COL21A1: variants seen among roughly 807,000 people sequenced by gnomAD.
COL21A1 encodes the protein collagen type XXI alpha 1 chain.
COL21A1 carries 149 observed loss-of-function variants against 137.9 expected under a neutral mutation model. The ratio of observed to expected loss-of-function variants is 1.08; its 90% CI spans 0.95 to 1.24. The LOEUF is 1.24. COL21A1 is among the 50% of genes most tolerant of loss of function. COL21A1 has a pLI of 0.00. For synonymous variants in COL21A1, 456 were observed against 391.5 expected, an observed-to-expected ratio of 1.16 and a Z score of -1.95; for missense variants, 1,167 against 1,158.4, an observed-to-expected ratio of 1.01 and a Z score of -0.11.
chr6:56,199,151 A>G (rs1282880975), intron 1 of COL21A1, among the ~76,000 whole-genome samples: 2 of 152,070 alleles, frequency 1.3e-5, no homozygotes, highest in Non-Finnish European at 2.9e-5. Context: ...TTGTGATGGT[A>G]ACTATTACAG....
rs780191739 is a variant in COL21A1, at chr6:56,075,508, G to A, written c.1882C>T (p.Gln628Ter). The change falls in exon 19 of 30, where the codon CAA becomes TAA. Residue 628 changes from glutamine to a stop codon, truncating the protein, a stop_gained. Transcript: ENST00000244728. LOFTEE classifies it high-confidence loss of function. ...ATCCCTGGGGCTCCTTTTTTTCCTT[G>A]CTGTCCTGGAGGCCCAATTTCTCCC... ...QKGEIGPPGQ[Q>*]GKKGAPGMPG... 6.5e-7 allele frequency: 1 copy of A among 1,531,514 alleles called. No homozygotes were observed. Among genetic ancestry groups the A allele is most frequent in the Non-Finnish European group, 8.8e-7 (1 of 1,139,414 alleles). The allele number at this position is 1,531,514 out of a possible 1,614,324, so 94.9% of individuals were successfully genotyped here. A position where few individuals can be genotyped will look rare whatever the true frequency, so the allele number is the denominator to read the frequency against.
At chr6:56,300,226 A>G (rs1221938022) in intron 1 of COL21A1, among the ~76,000 whole-genome samples, 1 of 152,128 alleles carries the variant, frequency 6.6e-6, no homozygotes, top group African/African-American at 2.4e-5. Context: ...TGATATTTTT[A>G]TGGGATTTGC....
intron 1 of COL21A1, among the ~76,000 whole-genome samples, chr6:56,197,199 C>T (rs1446216887): frequency 6.6e-6 from 1 of 151,966 alleles, no homozygotes; most frequent in Non-Finnish European, 1.5e-5. Context: ...AGAGCATACA[C>T]AAAAACTAAC....
chr6:56,062,311 A>G (rs1562135773), intron 24 of COL21A1, among the ~76,000 whole-genome samples: 1 of 152,160 alleles, frequency 6.6e-6, no homozygotes, highest in African/African-American at 2.4e-5. Context: ...TCATTCAACT[A>G]TAATTACTAG....
chr6:56,140,499 G>T (rs893749864), intron 12 of COL21A1, among the ~76,000 whole-genome samples: 1 of 152,142 alleles, frequency 6.6e-6, no homozygotes, highest in African/African-American at 2.4e-5. Context: ...AGTATTGTGT[G>T]GAACAATCTT....
intron 1 of COL21A1, among the ~76,000 whole-genome samples, chr6:56,241,312 C>G (rs547063438): frequency 6.6e-6 from 1 of 152,196 alleles, no homozygotes; most frequent in East Asian, 1.9e-4. Context: ...AGAAATAGAG[C>G]CCTTTCAAAA....
chr6:56,269,462 C>T (rs1030571169), intron 1 of COL21A1, among the ~76,000 whole-genome samples: 21 of 151,298 alleles, frequency 1.4e-4, no homozygotes, highest in African/African-American at 4.1e-4. Flanking sequence ...GAGACCATCC[C>T]GGCTAAAACG....
rs541481750 is a variant in COL21A1, at chr6:56,064,674, T to A, written c.2128-52A>T. ...ATTAGTTTGCACACTTACGATGCAA[T>A]CACATATGCAATACAAACTATGTAT... On this transcript the variant is annotated intron_variant, in intron 23 of 29. Transcript: ENST00000244728. The A allele has an allele frequency of 1.1e-5, 13 of 1,230,456 alleles. No individual in the cohort carries two copies. The African/African-American group carries it at 1.7e-4, about 16-fold the overall frequency. The allele number at this position is 1,230,456 out of a possible 1,614,324, so 76.2% of individuals were successfully genotyped here. A position where few individuals can be genotyped will look rare whatever the true frequency, so the allele number is the denominator to read the frequency against.
intron 23 of COL21A1, 45 bp downstream of exon 23, chr6:56,067,250 T>C: frequency 6.7e-7 from 1 of 1,496,464 alleles, no homozygotes; most frequent in African/African-American, 1.4e-5. Flanking sequence ...TTTTAAAAGC[T>C]CTGATTTTAT....
intron 1 of COL21A1, among the ~76,000 whole-genome samples, chr6:56,259,604 T>C (rs1763202394): frequency 6.6e-6 from 1 of 152,252 alleles, no homozygotes; most frequent in Non-Finnish European, 1.5e-5. Context: ...CTTGCATTTA[T>C]TTTTCTAAGA....
intron 19 of COL21A1, among the ~76,000 whole-genome samples, chr6:56,074,626 G>T (rs1380189354): frequency 1.3e-5 from 2 of 151,168 alleles, no homozygotes; most frequent in East Asian, 3.9e-4. Flanking sequence ...CTAAAATTAG[G>T]TGTCTTCATA....
intron 1 of COL21A1, among the ~76,000 whole-genome samples, chr6:56,366,177 C>G (rs1046376280): frequency 3.3e-5 from 5 of 152,096 alleles, no homozygotes; most frequent in African/African-American, 1.2e-4. Flanking sequence ...GACACTGAAG[C>G]CACAGCAGGA....
chr6:56,250,497 GGAACAACAGA>G (rs1782831145), upstream of COL21A1, among the ~76,000 whole-genome samples: 1 of 152,124 alleles, frequency 6.6e-6, no homozygotes, highest in South Asian at 2.1e-4. Context: ...GACAGCTTGA[GGAACAACAGA>G]GACTTCAGTT....
At chr6:56,081,349 C>T (rs1767747562) in intron 17 of COL21A1, among the ~76,000 whole-genome samples, 1 of 151,632 alleles carries the variant, frequency 6.6e-6, no homozygotes, top group Non-Finnish European at 1.5e-5. Flanking sequence ...AAGTCCCCCA[C>T]TCGGGGACGC....
At chr6:56,290,936 T>C (rs1764027053) in intron 1 of COL21A1, among the ~76,000 whole-genome samples, 1 of 152,112 alleles carries the variant, frequency 6.6e-6, no homozygotes, top group African/African-American at 2.4e-5. Flanking sequence ...TGCAGCCAAA[T>C]ATCGAGAACC....
intron 16 of COL21A1, among the ~76,000 whole-genome samples, chr6:56,107,099 T>G (rs1771003821): frequency 1.3e-5 from 2 of 152,144 alleles, no homozygotes; most frequent in Admixed American, 1.3e-4. Flanking sequence ...GTATTTTTAT[T>G]AGTTAAAAAA....
chr6:56,373,742 T>C (rs1191376857), intron 1 of COL21A1, among the ~76,000 whole-genome samples: 2 of 152,240 alleles, frequency 1.3e-5, no homozygotes, highest in Non-Finnish European at 2.9e-5. Context: ...CATACTTTTT[T>C]TGTACTGAAA....
At chr6:56,115,305 A>G (rs1771823931) in intron 16 of COL21A1, among the ~76,000 whole-genome samples, 2 of 151,188 alleles carry the variant, frequency 1.3e-5, no homozygotes, top group Non-Finnish European at 1.5e-5. Flanking sequence ...AATAAAGAAA[A>G]AAAAAAAAAA....
chr6:56,334,791 A>G (rs546249698), intron 1 of COL21A1, among the ~76,000 whole-genome samples: 4 of 152,290 alleles, frequency 2.6e-5, no homozygotes, highest in East Asian at 1.9e-4. Flanking sequence ...TAAGTGGATG[A>G]AGCATCATTG....
Sources: allele counts gnomAD v4.1 joint callset (sites outside exome capture counted in the v4.1 genomes callset), GRCh38; gene constraint gnomAD v4.1.1; transcripts MANE v1.5; gene names NCBI Gene and HGNC (gene_info 2026-07-23, HGNC 2026-07-21).